The following DEAF1 variants were observed in gnomAD, a reference collection of about 807,000 sequenced individuals.
DEAF1 encodes DEAF1 transcription factor.
DEAF1 carries 53 observed loss-of-function variants against 58.9 expected under a neutral mutation model. The observed-to-expected ratio is 0.90, with a 90% CI of 0.72 to 1.13. DEAF1 has a LOEUF of 1.13. Ranked by LOEUF, DEAF1 falls within the 50% of genes most tolerant of loss-of-function variation. The pLI, the probability that DEAF1 is intolerant of heterozygous loss-of-function variation, is 0.00. For synonymous variants in DEAF1, 385 were observed against 340.4 expected (o/e 1.13, Z -1.44); for missense variants, 685 against 791.4 (o/e 0.87, Z 1.61).
upstream of DEAF1, chr11:695,809 G>A: frequency 1.6e-6 from 2 of 1,232,454 alleles, no homozygotes; most frequent in South Asian, 3.9e-5. Context: ...GCGACGGACC[G>A]GCGGGCGGGG....
rs7107563 is a variant in DEAF1 at position 652,900 on chromosome 11, G to A, written c.1593+1062C>T. Among the ~76,000 whole-genome samples the A allele has an allele frequency of 9.9e-3, 1,502 of 151,562 alleles. 27 individuals carry two copies. The highest frequency in any genetic ancestry group is 0.035 in the African/African-American group (1,426 of 41,266). On this transcript the variant is annotated intron_variant, in intron 11 of 11. Coordinates refer to ENST00000382409, the MANE Select transcript of DEAF1 (RefSeq NM_021008.4). ...GGAGTTCGAGACCAGCTTGCCCAAC[G>A]TGGTGAGACCCCGTCTCTACTAAAA...
In DEAF1 at chr11:694,946, T is replaced by G. The variant is rs1487162428; in HGVS notation, c.102A>C (p.Gly34=). 5 of 1,153,536 alleles carry G rather than the reference T, an allele frequency of 4.3e-6. No homozygotes were observed. Among genetic ancestry groups the G allele is most frequent in the Non-Finnish European group, 5.4e-6 (5 of 931,814 alleles). The allele number at this position is 1,153,536 out of a possible 1,614,324, so 71.5% of individuals were successfully genotyped here. The change falls in exon 1 of 12, where the codon GGA becomes GGC. Residue 34 remains glycine (G), a synonymous_variant. Transcript: ENST00000382409. ...AVAAAAAAAA[G]GEAEEPVLSR... ...TCAGCACCGGCTCCTCCGCCTCGCC[T>G]CCTGCCGCGGCCGCGGCCGCCGCCG...
At chr11:678,895 T>G in intron 8 of DEAF1, 73 bp from the exon 9 acceptor site, 1 of 1,593,974 alleles carries the variant, frequency 6.3e-7, no homozygotes, top group Non-Finnish European at 8.6e-7. Flanking sequence ...TCACGCTGTA[T>G]GGCTGCGCCA....
chr11:649,780 C>T (rs896946041), intron 11 of DEAF1, among the ~76,000 whole-genome samples: 3 of 151,584 alleles, frequency 2.0e-5, no homozygotes, highest in Non-Finnish European at 4.4e-5. Context: ...AATCTTAGAA[C>T]TTTGGGAGGC....
At chr11:695,376 G>C (rs1413592745), upstream of DEAF1, 1 of 417,132 alleles carries the variant, frequency 2.4e-6, no homozygotes, top group Middle Eastern at 6.2e-4. Context: ...GAGTCCTCAC[G>C]AGGGCTTCCG....
intron 10 of DEAF1, among the ~76,000 whole-genome samples, chr11:661,497 G>T (rs1859318362): frequency 6.6e-6 from 1 of 151,998 alleles, no homozygotes. Context: ...ATCACCGGAG[G>T]TCAGGGGTTC....
At chr11:657,735 C>T (rs1051008267) in intron 10 of DEAF1, among the ~76,000 whole-genome samples, 2 of 152,106 alleles carry the variant, frequency 1.3e-5, no homozygotes, top group African/African-American at 2.4e-5. Flanking sequence ...TGAAACCTGT[C>T]GTCCACCCCC....
At position 675,451 on chromosome 11, in the gene DEAF1, C is replaced by A. The variant is rs145204571; in HGVS notation, c.1256-668G>T. 2.0e-3 allele frequency among the ~76,000 whole-genome samples: 306 copies of A among 152,274 alleles called. 4 individuals are homozygous for A. The highest frequency in any genetic ancestry group is 6.6e-3 in the African/African-American group (274 of 41,562). ...AGCTGAGGCGGGAGGATGGTTTGAGCCCAGGTGGTCGAGGCTACAGTGAGC... is the reference window on the plus strand; with the variant it reads ...AGCTGAGGCGGGAGGATGGTTTGAGACCAGGTGGTCGAGGCTACAGTGAGC... On this transcript the variant is annotated intron_variant, in intron 9 of 11. Coordinates refer to ENST00000382409, the MANE Select transcript of DEAF1 (RefSeq NM_021008.4).
At chr11:662,384 C>T (rs1436800426) in intron 10 of DEAF1, among the ~76,000 whole-genome samples, 1 of 152,244 alleles carries the variant, frequency 6.6e-6, no homozygotes, top group Non-Finnish European at 1.5e-5. Flanking sequence ...CGGCATAAAG[C>T]CTTCCTCCCA....
chr11:685,917 G>A (rs1860574392), intron 5 of DEAF1, among the ~76,000 whole-genome samples: 1 of 151,974 alleles, frequency 6.6e-6, no homozygotes, highest in Non-Finnish European at 1.5e-5. Flanking sequence ...GGCGAGGCAG[G>A]TGGCTCACTT....
At chr11:666,690 A>T (rs1293662242) in intron 10 of DEAF1, among the ~76,000 whole-genome samples, 1 of 151,988 alleles carries the variant, frequency 6.6e-6, no homozygotes, top group African/African-American at 2.4e-5. Flanking sequence ...TGGGCGACAG[A>T]GCAAGACTCC....
At chr11:694,028 C>A (rs771272010) in intron 1 of DEAF1, among the ~76,000 whole-genome samples, 27 of 152,224 alleles carry the variant, frequency 1.8e-4, no homozygotes, top group Non-Finnish European at 3.4e-4. Flanking sequence ...AGGCTGCCCA[C>A]CCCTGGCTCC....
At chr11:685,617 C>G (rs1277384657) in intron 5 of DEAF1, among the ~76,000 whole-genome samples, 1 of 152,118 alleles carries the variant, frequency 6.6e-6, no homozygotes, top group Non-Finnish European at 1.5e-5. Flanking sequence ...ATCGCTTGAA[C>G]CCGGGAGGCA....
chr11:645,797 G>A (rs1858465411), intron 11 of DEAF1, among the ~76,000 whole-genome samples: 1 of 152,202 alleles, frequency 6.6e-6, no homozygotes, highest in African/African-American at 2.4e-5. Flanking sequence ...AGCTCTAGAG[G>A]AAGCGCCAGG....
chr11:691,417 T>TGAACCCCGGGA lies in DEAF1; in HGVS notation c.387+73_387+83dup, dbSNP rs1860829276. On this transcript the variant is annotated intron_variant, in intron 2 of 11. Transcript: ENST00000382409. ...CAGAGCAGACGTTCACACAGCGGGC[T>TGAACCCCGGGA]GAACCCCGGGAGAGCCTCGGGGAAG... 10 of 1,312,916 alleles carry TGAACCCCGGGA rather than the reference T, an allele frequency of 7.6e-6. No homozygotes were observed. In the South Asian group the frequency reaches 1.2e-4, roughly 16 times the overall value. 81.3% of individuals were successfully genotyped at this position (1,312,916 alleles called of 1,614,324 possible). A position where few individuals can be genotyped will look rare whatever the true frequency, so the allele number is the denominator to read the frequency against.
At chr11:689,703 A>G (rs1177670858) in intron 2 of DEAF1, 1 of 152,198 alleles carries the variant, frequency 6.6e-6, no homozygotes, top group Non-Finnish European at 1.5e-5. Flanking sequence ...GTGTTTGTTT[A>G]AGAGTCACAG....
chr11:683,058 C>T (rs1334768003), intron 6 of DEAF1, among the ~76,000 whole-genome samples: 1 of 152,164 alleles, frequency 6.6e-6, no homozygotes, highest in Non-Finnish European at 1.5e-5. Flanking sequence ...AGACTTACTA[C>T]ATTTTCTTGG....
Position 688,481 on chromosome 11 carries a change from G to A in DEAF1, c.388-21C>T, listed in dbSNP as rs201490761. 59 of 1,613,078 alleles carry A rather than the reference G, an allele frequency of 3.7e-5. 1 individual carries two copies. The highest frequency in any genetic ancestry group is 3.0e-4 in the South Asian group (27 of 91,076). On this transcript the variant is annotated intron_variant, in intron 2 of 11. Transcript: ENST00000382409. The surrounding 1 kb of genome is among the most constrained non-coding windows in gnomAD (Gnocchi z 4.3). ...CCAGACTAGAAGGAAAAACCGCTCC[G>A]TCAGGTCACGTCCGAGAGTGACACC...
intron 1 of DEAF1, chr11:704,801 T>A (rs985731718): frequency 8.3e-6 from 4 of 480,634 alleles, no homozygotes; most frequent in African/African-American, 8.1e-5. Flanking sequence ...CAAAATCGTG[T>A]TGACAGGCAC....
Sources: allele counts gnomAD v4.1 joint callset (sites outside exome capture counted in the v4.1 genomes callset), GRCh38; gene constraint gnomAD v4.1.1; non-coding constraint Gnocchi (gnomAD v3.1); transcripts MANE v1.5; gene names NCBI Gene and HGNC (gene_info 2026-07-23, HGNC 2026-07-21).